The following JPH3 variants were observed in gnomAD, a reference collection of about 807,000 sequenced individuals.
JPH3 encodes the protein junctophilin 3.
In JPH3, 11 loss-of-function variants were observed where a neutral mutation model predicts 59.6. That is an observed-to-expected ratio of 0.18 (90% CI 0.12 to 0.31). JPH3 has a LOEUF of 0.31. Among genes scored for constraint, JPH3 ranks in the 10% least tolerant of loss-of-function variants. JPH3 has a pLI of 1.00. For synonymous variants in JPH3, 673 were observed against 483.6 expected (o/e 1.39, Z -5.14); for missense variants, 1,202 against 1,105.7 (o/e 1.09, Z -1.24).
At chr16:87,659,973 G>A (rs745796376) in intron 2 of JPH3, among the ~76,000 whole-genome samples, 5 of 152,134 alleles carry the variant, frequency 3.3e-5, no homozygotes, top group South Asian at 2.1e-4. Flanking sequence ...TTCTGGGCCC[G>A]TTGAGCTCTG....
chr16:87,676,419 G>T (rs921158307), intron 2 of JPH3, among the ~76,000 whole-genome samples: 3 of 152,078 alleles, frequency 2.0e-5, no homozygotes, highest in Non-Finnish European at 2.9e-5. Context: ...TATCATTTAC[G>T]GTACCTTCAT....
At chr16:87,695,013 G>A (rs890882340) in intron 4 of JPH3, 3 of 321,938 alleles carry the variant, frequency 9.3e-6, no homozygotes, top group East Asian at 8.1e-5. Flanking sequence ...CCGGGAGTGT[G>A]TGCACACACA....
chr16:87,660,320 G>T (rs1294925402), intron 2 of JPH3, among the ~76,000 whole-genome samples: 2 of 152,160 alleles, frequency 1.3e-5, no homozygotes, highest in Non-Finnish European at 2.9e-5. Flanking sequence ...GGACAGAGGG[G>T]GCTGCAGGGA....
At chr16:87,635,370 A>T (rs72810146) in intron 1 of JPH3, among the ~76,000 whole-genome samples, 37,145 of 152,002 alleles carry the variant, frequency 0.24, 5,220 homozygotes, top group Non-Finnish European at 0.33. Flanking sequence ...GGGGCTTCAG[A>T]GGAGGAAAAG....
rs575949511 is a variant in JPH3, at chr16:87,690,434, C to A, written c.2074C>A (p.Arg692Ser). Residue 692 changes from arginine (R) to serine (S), a missense_variant, in exon 4 of 5, where the codon CGT becomes AGT. By Grantham distance (110) the Arg-to-Ser change is moderately radical. Coordinates refer to ENST00000284262, the MANE Select transcript of JPH3 (RefSeq NM_020655.4). ...RLGGAEPRLL[R>S]WDLTFSPPQK... ...GGGCGGGGCCGAGCCCCGGTTGCTG[C>A]GTTGGGACTTGACCTTCTCCCCGCC... 3.3e-6 allele frequency: 5 copies of A among 1,495,222 alleles called. No individual in the cohort carries two copies. In the East Asian group the frequency reaches 7.2e-5, roughly 21 times the overall value. 92.6% of individuals were successfully genotyped at this position (1,495,222 alleles called of 1,614,324 possible).
chr16:87,683,693 A>C (rs62053829), intron 2 of JPH3, among the ~76,000 whole-genome samples: 1 of 149,482 alleles, frequency 6.7e-6, no homozygotes, highest in African/African-American at 2.5e-5. Context: ...TGCAACCTCC[A>C]CCTCCCAGAT....
intron 2 of JPH3, among the ~76,000 whole-genome samples, chr16:87,676,521 G>A (rs1597283422): frequency 6.6e-6 from 1 of 151,674 alleles, no homozygotes; most frequent in South Asian, 2.1e-4. Context: ...GGATCACGAG[G>A]TCAAGAGATC....
At position 87,690,228 on chromosome 16, in the gene JPH3, C is replaced by T. The variant is rs150787562; in HGVS notation, c.1868C>T (p.Thr623Met). ...MEMKPLLRME[T>M]HPQKRRYSKG... Reference sequence around the variant, plus strand: ...ATGAAACCCTTGCTGAGGATGGAGACGCATCCCCAGAAAAGACGCTACAGC... The same window carrying T: ...ATGAAACCCTTGCTGAGGATGGAGATGCATCCCCAGAAAAGACGCTACAGC... The change falls in exon 4 of 5, where the codon ACG (threonine) becomes ATG (methionine). Residue 623 changes from threonine (T) to methionine (M), a missense_variant. Transcript: ENST00000284262. The T allele has an allele frequency of 4.4e-6, 7 of 1,604,418 alleles. No homozygotes were observed. Among genetic ancestry groups the T allele is most frequent in the East Asian group, 2.3e-5 (1 of 44,350 alleles).
chr16:87,696,984 C>A lies in JPH3; in HGVS notation c.*324C>A, dbSNP rs557633107. The stretch of plus-strand genomic sequence containing the variant: ...CAGTGGTAACAGCGGACGTTGTCCT[C>A]GTGGTCACACGTCCCGTCTTGGGTG... On this transcript the variant is annotated 3_prime_UTR_variant, in exon 5 of 5. Transcript: ENST00000284262. 1 of 353,056 alleles carries A rather than the reference C, an allele frequency of 2.8e-6. No homozygotes were observed. The allele number at this position is 353,056 out of a possible 1,614,324, so 21.9% of individuals were successfully genotyped here.
At chr16:87,612,994 C>T (rs1172689530) in intron 1 of JPH3, among the ~76,000 whole-genome samples, 1 of 151,514 alleles carries the variant, frequency 6.6e-6, no homozygotes, top group Non-Finnish European at 1.5e-5. Context: ...CCCCTGCAGT[C>T]CGGCCTGGGT....
upstream of JPH3, chr16:87,601,903 G>C (rs1198185186): frequency 6.6e-6 from 1 of 152,318 alleles, no homozygotes; most frequent in African/African-American, 2.4e-5. Context: ...ATAGGGGAGA[G>C]GGACTCGCCA....
At chr16:87,615,879 G>A (rs898975418) in intron 1 of JPH3, among the ~76,000 whole-genome samples, 1 of 152,244 alleles carries the variant, frequency 6.6e-6, no homozygotes, top group Non-Finnish European at 1.5e-5. Context: ...CCCGACAGCA[G>A]AGGAGACCTC....
chr16:87,615,681 G>C (rs576181158), intron 1 of JPH3, among the ~76,000 whole-genome samples: 2 of 152,192 alleles, frequency 1.3e-5, no homozygotes, highest in African/African-American at 2.4e-5. Flanking sequence ...TCCCTGACCC[G>C]GGCTGCCCAG....
rs201508904 is a variant in JPH3, at chr16:87,644,494, C to T, written c.619C>T (p.Leu207Phe). ...VLVAHSDSEI[L>F]KSKKKGLFRR... ...CGTGGCCCACAGTGACTCCGAGATC[C>T]TCAAGAGCAAGAAGAAGGGGCTGTT... The change falls in exon 2 of 5, where the codon CTC (leucine) becomes TTC (phenylalanine). Residue 207 changes from leucine to phenylalanine, a missense_variant. Coordinates refer to ENST00000284262, the MANE Select transcript of JPH3 (RefSeq NM_020655.4). 3.5e-4 allele frequency: 563 copies of T among 1,612,852 alleles called. No individual in the cohort carries two copies. Among genetic ancestry groups the T allele is most frequent in the Non-Finnish European group, 4.7e-4 (550 of 1,179,882 alleles).
At chr16:87,620,383 GGAA>G (rs1436780778) in intron 1 of JPH3, among the ~76,000 whole-genome samples, 1 of 149,862 alleles carries the variant, frequency 6.7e-6, no homozygotes, top group Non-Finnish European at 1.5e-5. Context: ...GGGGGCAAAG[GGAA>G]GGAGCATTTG....
intron 1 of JPH3, among the ~76,000 whole-genome samples, chr16:87,617,728 G>C (rs914838185): frequency 1.3e-5 from 2 of 152,182 alleles, no homozygotes; most frequent in African/African-American, 2.4e-5. Flanking sequence ...AGCAGGTGCA[G>C]GTGCAGGAGC....
At chr16:87,696,209 A>G (rs867621475) in intron 4 of JPH3, 5 of 444,262 alleles carry the variant, frequency 1.1e-5, no homozygotes, top group African/African-American at 8.0e-5. Context: ...ACAGGGCAGG[A>G]GAAGCCTGCT....
intron 3 of JPH3, among the ~76,000 whole-genome samples, 171 bp from the exon 4 acceptor site, chr16:87,689,475 G>A (rs767465761): frequency 5.9e-5 from 9 of 151,708 alleles, no homozygotes; most frequent in Admixed American, 2.0e-4. Flanking sequence ...TCCCACAGAG[G>A]GCTTTGGGAG....
At chr16:87,633,983 C>T (rs1046497461) in intron 1 of JPH3, among the ~76,000 whole-genome samples, 7 of 152,194 alleles carry the variant, frequency 4.6e-5, no homozygotes, top group Admixed American at 2.0e-4. Context: ...GCTGTGAAAA[C>T]GGAGGAGCGA....
Sources: allele counts gnomAD v4.1 joint callset (sites outside exome capture counted in the v4.1 genomes callset), GRCh38; gene constraint gnomAD v4.1.1; transcripts MANE v1.5; gene names NCBI Gene and HGNC (gene_info 2026-07-23, HGNC 2026-07-21).